NRXN3: variants seen among roughly 807,000 people sequenced by gnomAD.
NRXN3 encodes the protein neurexin 3, also known as neurexin III.
Under a neutral mutation model 137.6 loss-of-function variants are expected in NRXN3, and 32 were observed. The observed-to-expected ratio is 0.23, with a 90% CI of 0.18 to 0.31. NRXN3 has a LOEUF of 0.31. NRXN3 is among the 10% of genes least tolerant of loss of function. The pLI, the probability that NRXN3 is intolerant of heterozygous loss-of-function variation, is 1.00. For synonymous variants in NRXN3, 798 were observed against 784.5 expected (o/e 1.02, Z -0.29); for missense variants, 1,574 against 2,062.5 (o/e 0.76, Z 4.59).
At chr14:79,422,307 T>C (rs1211733368) in intron 15 of NRXN3, among the ~76,000 whole-genome samples, 3 of 151,946 alleles carry the variant, frequency 2.0e-5, no homozygotes. Context: ...CAAGCATTCC[T>C]CCCTCCTCAG....
intron 4 of NRXN3, among the ~76,000 whole-genome samples, chr14:78,333,301 G>A (rs2081055120): frequency 6.6e-6 from 1 of 152,180 alleles, no homozygotes; most frequent in Non-Finnish European, 1.5e-5. Context: ...AGTACCTTGA[G>A]GGATTTGTGC....
At chr14:79,250,429 G>T (rs915861578) in intron 15 of NRXN3, among the ~76,000 whole-genome samples, 1 of 152,142 alleles carries the variant, frequency 6.6e-6, no homozygotes, top group East Asian at 1.9e-4. Flanking sequence ...AGGAAAGAGG[G>T]AGGAAAACTA....
intron 16 of NRXN3, among the ~76,000 whole-genome samples, chr14:79,512,834 T>C (rs928606563): frequency 3.3e-5 from 5 of 152,172 alleles, no homozygotes; most frequent in African/African-American, 1.2e-4. Flanking sequence ...AAATCAGCAA[T>C]TGCATCTGTA....
At chr14:79,099,938 G>A (rs1288197575) in intron 15 of NRXN3, among the ~76,000 whole-genome samples, 2 of 152,138 alleles carry the variant, frequency 1.3e-5, no homozygotes, top group Admixed American at 1.3e-4. Context: ...GGCCGTGATG[G>A]AAGTCTGAAA....
At chr14:78,387,132 A>G (rs1420815533) in intron 4 of NRXN3, among the ~76,000 whole-genome samples, 1 of 152,158 alleles carries the variant, frequency 6.6e-6, no homozygotes, top group African/African-American at 2.4e-5. Flanking sequence ...CCCAGCTCAC[A>G]AGACCAATGT....
chr14:78,553,163 G>A (rs906322437), intron 4 of NRXN3, among the ~76,000 whole-genome samples: 6 of 151,688 alleles, frequency 4.0e-5, no homozygotes, highest in Admixed American at 6.6e-5. Context: ...TTGAATTTTG[G>A]CTACTATTTG....
chr14:78,985,373 T>C (rs528886266), intron 14 of NRXN3, among the ~76,000 whole-genome samples: 1 of 152,188 alleles, frequency 6.6e-6, no homozygotes, highest in Admixed American at 6.5e-5. Context: ...GAGGATTATA[T>C]GAGGAGAAGA....
In NRXN3 at chr14:79,354,627, A is replaced by C. The variant is rs57466656; in HGVS notation, c.3263-112594A>C. On this transcript the variant is annotated intron_variant, in intron 15 of 20. Coordinates refer to ENST00000335750, the MANE Select transcript of NRXN3 (RefSeq NM_001330195.2). ...TTGTTACACAGAAGGTATTCAAGAA[A>C]TGGTAGCCATTCTCACAATATCATT... is the stretch of plus-strand genomic sequence containing the variant. 1.7e-3 allele frequency among the ~76,000 whole-genome samples: 254 copies of C among 152,264 alleles called. 1 individual carries two copies. Among genetic ancestry groups the C allele is most frequent in the African/African-American group, 5.9e-3 (246 of 41,566 alleles).
intron 15 of NRXN3, among the ~76,000 whole-genome samples, chr14:79,202,120 G>C (rs1389058410): frequency 6.6e-6 from 1 of 151,434 alleles, no homozygotes; most frequent in South Asian, 2.1e-4. Context: ...TTGAGCTAGA[G>C]CTTGAGGGTG....
rs2099416434 is a variant in NRXN3 at position 79,863,748 on chromosome 14, A to G, written c.*1784A>G. The G allele has an allele frequency of 6.6e-6, 1 of 152,664 alleles. No individual in the cohort carries two copies. The allele number at this position is 152,664 out of a possible 1,614,324, so 9.5% of individuals were successfully genotyped here. A position where few individuals can be genotyped will look rare whatever the true frequency, so the allele number is the denominator to read the frequency against. ...CGAAAAGCAAGAGACAAAGCAAGACAAATATTCACACAAAAATGAAGTGTG... is the reference window on the plus strand; with the variant it reads ...CGAAAAGCAAGAGACAAAGCAAGACGAATATTCACACAAAAATGAAGTGTG... On this transcript the variant is annotated 3_prime_UTR_variant, in exon 21 of 21. Transcript: ENST00000335750.
In NRXN3 at chr14:79,862,066, T is replaced by C. The variant is rs540157210; in HGVS notation, c.*102T>C. The C allele has an allele frequency of 2.1e-4, 220 of 1,023,494 alleles. No homozygotes were observed. The African/African-American group carries it at 3.1e-3, about 14-fold the overall frequency. The allele number at this position is 1,023,494 out of a possible 1,614,324, so 63.4% of individuals were successfully genotyped here. ...TCACAGATGTCAGAACTGCTGGAACTATGAAATGGGGTATATAACCACGAC... is the reference window on the plus strand; with the variant it reads ...TCACAGATGTCAGAACTGCTGGAACCATGAAATGGGGTATATAACCACGAC... On this transcript the variant is annotated 3_prime_UTR_variant, in exon 21 of 21. Coordinates refer to ENST00000335750, the MANE Select transcript of NRXN3 (RefSeq NM_001330195.2).
At chr14:78,307,384 C>G (rs1308331422) in intron 4 of NRXN3, among the ~76,000 whole-genome samples, 2 of 152,058 alleles carry the variant, frequency 1.3e-5, no homozygotes, top group East Asian at 1.9e-4. Context: ...TTTCCCCACT[C>G]AATCCAAAAT....
intron 4 of NRXN3, among the ~76,000 whole-genome samples, chr14:78,612,008 G>A (rs2097304565): frequency 6.6e-6 from 1 of 152,172 alleles, no homozygotes; most frequent in Non-Finnish European, 1.5e-5. Context: ...ATCTTGGTAT[G>A]CAGAAGGGCG....
In NRXN3 at chr14:79,568,173, C is replaced by A. The variant is rs532679385; in HGVS notation, c.3445-95605C>A. ...ACAGTTTCCATCCCTCTGAAGGAAGCGAGATTACTCTTGTGTCCGCTCAGC... is the reference window on the plus strand; with the variant it reads ...ACAGTTTCCATCCCTCTGAAGGAAGAGAGATTACTCTTGTGTCCGCTCAGC... On this transcript the variant is annotated intron_variant, in intron 16 of 20. Transcript: ENST00000335750. Among the ~76,000 whole-genome samples the A allele has an allele frequency of 2.6e-5, 4 of 152,244 alleles. No homozygotes were observed. The South Asian group carries it at 8.3e-4, about 32-fold the overall frequency.
chr14:79,542,246 G>A (rs1371956417), intron 16 of NRXN3, among the ~76,000 whole-genome samples: 4 of 152,186 alleles, frequency 2.6e-5, no homozygotes, highest in South Asian at 2.1e-4. Flanking sequence ...GCCAGGTTAC[G>A]TTCCAGATGT....
chr14:79,304,889 C>T (rs186381758), intron 15 of NRXN3, among the ~76,000 whole-genome samples: 150 of 152,154 alleles, frequency 9.9e-4, no homozygotes, highest in African/African-American at 3.2e-3. Flanking sequence ...GTCTTTGCTT[C>T]GTGCTAAAGG....
chr14:78,960,342 G>T (rs761815303), intron 11 of NRXN3, among the ~76,000 whole-genome samples: 5 of 152,134 alleles, frequency 3.3e-5, no homozygotes, highest in Non-Finnish European at 7.4e-5. Flanking sequence ...ATCAGGCAAT[G>T]AAACTAAAAT....
chr14:78,514,786 C>A (rs1382057318), intron 4 of NRXN3, among the ~76,000 whole-genome samples: 1 of 152,014 alleles, frequency 6.6e-6, no homozygotes, highest in Non-Finnish European at 1.5e-5. Context: ...GGGTCAAACA[C>A]CATTGTAGAG....
chr14:79,717,597 A>G (rs547258058), intron 19 of NRXN3, among the ~76,000 whole-genome samples: 2 of 152,342 alleles, frequency 1.3e-5, no homozygotes, highest in South Asian at 4.1e-4. Context: ...AAATGTTTGC[A>G]CTTTAAATTA....
Sources: allele counts gnomAD v4.1 joint callset (sites outside exome capture counted in the v4.1 genomes callset), GRCh38; gene constraint gnomAD v4.1.1; transcripts MANE v1.5; gene names NCBI Gene and HGNC (gene_info 2026-07-23, HGNC 2026-07-21).